The following MOB3B variants were observed in gnomAD, a reference collection of about 807,000 sequenced individuals.
MOB3B encodes MOB kinase activator 3B, also known as MOB kinase activator-like 2B.
A neutral mutation model predicts 18.7 loss-of-function variants in MOB3B; 7 were observed. The ratio of observed to expected loss-of-function variants is 0.37; its 90% CI spans 0.21 to 0.70. The LOEUF is 0.70. Ranked by LOEUF, MOB3B falls within the 30% of genes least tolerant of loss-of-function variation. MOB3B has a pLI of 0.52. For missense variants in MOB3B, 253 were observed against 281.3 expected (o/e 0.90, Z 0.72); for synonymous variants, 111 against 99.9 (o/e 1.11, Z -0.66).
At chr9:27,373,509 C>T (rs1381230668) in intron 2 of MOB3B, among the ~76,000 whole-genome samples, 2 of 152,180 alleles carry the variant, frequency 1.3e-5, no homozygotes, top group African/African-American at 4.8e-5. Flanking sequence ...GACCTAAGGA[C>T]CTCCCCCAGG....
At chr9:27,446,187 T>C (rs1237328089) in intron 2 of MOB3B, among the ~76,000 whole-genome samples, 5 of 152,090 alleles carry the variant, frequency 3.3e-5, no homozygotes, top group Non-Finnish European at 7.4e-5. Flanking sequence ...ATGAAGATGT[T>C]AGCCAAGTGA....
intron 2 of MOB3B, among the ~76,000 whole-genome samples, chr9:27,407,639 A>G (rs1238114553): frequency 3.3e-5 from 5 of 152,148 alleles, no homozygotes. Flanking sequence ...CCACCAGGCC[A>G]GCTTCCCCAC....
rs73646509 is a variant in MOB3B at position 27,481,263 on chromosome 9, A to G, written c.-198-25515T>C. Among the ~76,000 whole-genome samples the G allele has an allele frequency of 4.9e-3, 740 of 152,338 alleles. 6 individuals carry two copies. Among genetic ancestry groups the G allele is most frequent in the African/African-American group, 0.017 (711 of 41,574 alleles). On this transcript the variant is annotated intron_variant, in intron 1 of 3. Transcript: ENST00000262244. ...CTCCAGCAGATATGGACTAAAATAT[A>G]TCGGTACAGTTAATTATAACAAATG...
chr9:27,422,040 CAGTGCCTGGAACCCAGTAG>C (rs1822261280), intron 2 of MOB3B, among the ~76,000 whole-genome samples: 2 of 152,184 alleles, frequency 1.3e-5, no homozygotes, highest in South Asian at 4.1e-4. Flanking sequence ...AGTGTCAAAA[CAGTGCCTGGAACCCAGTAG>C]GGGCTCCATT....
At chr9:27,518,487 G>C (rs1309379818) in intron 1 of MOB3B, among the ~76,000 whole-genome samples, 1 of 152,248 alleles carries the variant, frequency 6.6e-6, no homozygotes. Flanking sequence ...GATATGGATG[G>C]AGGCTGTTCT....
intron 3 of MOB3B, among the ~76,000 whole-genome samples, chr9:27,350,679 T>G (rs1821090783): frequency 6.6e-6 from 1 of 152,210 alleles, no homozygotes; most frequent in South Asian, 2.1e-4. Context: ...TTTTTCCAAT[T>G]GACACTTTAG....
intron 3 of MOB3B, among the ~76,000 whole-genome samples, chr9:27,354,616 A>G (rs1268200216): frequency 6.6e-6 from 1 of 152,198 alleles, no homozygotes; most frequent in Non-Finnish European, 1.5e-5. Context: ...GAAGAGAGTG[A>G]CCAGTGTGTA....
At chr9:27,356,154 T>C (rs1821188245) in intron 3 of MOB3B, among the ~76,000 whole-genome samples, 1 of 152,240 alleles carries the variant, frequency 6.6e-6, no homozygotes, top group Non-Finnish European at 1.5e-5. Flanking sequence ...AAAACAAATA[T>C]ATATGTTCAG....
At chr9:27,525,587 A>T (rs987997426) in intron 1 of MOB3B, among the ~76,000 whole-genome samples, 43 of 152,138 alleles carry the variant, frequency 2.8e-4, no homozygotes, top group African/African-American at 1.0e-3. Flanking sequence ...GAATTAGACG[A>T]CCATTAAGCT....
intron 1 of MOB3B, among the ~76,000 whole-genome samples, chr9:27,512,937 TAAG>T (rs771529345): frequency 6.6e-6 from 1 of 152,180 alleles, no homozygotes; most frequent in Non-Finnish European, 1.5e-5. Flanking sequence ...GGGTATACTC[TAAG>T]AAATTTAAGC....
At chr9:27,501,278 G>A (rs146890455) in intron 1 of MOB3B, among the ~76,000 whole-genome samples, 293 of 152,234 alleles carry the variant, frequency 1.9e-3, no homozygotes, top group African/African-American at 6.6e-3. Flanking sequence ...AATAAATCAT[G>A]CTACTATAAA....
At chr9:27,452,221 C>T (rs530284970) in intron 2 of MOB3B, among the ~76,000 whole-genome samples, 1 of 152,284 alleles carries the variant, frequency 6.6e-6, no homozygotes, top group South Asian at 2.1e-4. Context: ...TCCATCCATC[C>T]ATCCATCCAT....
At chr9:27,387,765 C>G (rs892833139) in intron 2 of MOB3B, among the ~76,000 whole-genome samples, 1 of 152,066 alleles carries the variant, frequency 6.6e-6, no homozygotes, top group Non-Finnish European at 1.5e-5. Context: ...ATTAACGTTT[C>G]GGATGGATTG....
chr9:27,377,631 C>G (rs1374453781), intron 2 of MOB3B, among the ~76,000 whole-genome samples: 1 of 152,148 alleles, frequency 6.6e-6, no homozygotes, highest in Non-Finnish European at 1.5e-5. Flanking sequence ...CAAACAAGTT[C>G]CCAGGTGAGG....
intron 1 of MOB3B, among the ~76,000 whole-genome samples, chr9:27,471,140 C>T (rs1192654054): frequency 6.6e-6 from 1 of 152,142 alleles, no homozygotes; most frequent in Non-Finnish European, 1.5e-5. Context: ...CATCCCACCC[C>T]TCACCAGTGG....
intron 2 of MOB3B, among the ~76,000 whole-genome samples, chr9:27,431,254 CAT>C (rs1367734755): frequency 6.6e-6 from 1 of 152,100 alleles, no homozygotes; most frequent in Non-Finnish European, 1.5e-5. Flanking sequence ...GTTAAACAAA[CAT>C]ATTCCTCACT....
At chr9:27,509,110 A>G (rs1215070399) in intron 1 of MOB3B, among the ~76,000 whole-genome samples, 1 of 152,240 alleles carries the variant, frequency 6.6e-6, no homozygotes, top group African/African-American at 2.4e-5. Context: ...CAGAAAAGCC[A>G]GCAAAATTGT....
At chr9:27,390,079 T>G (rs562807892) in intron 2 of MOB3B, among the ~76,000 whole-genome samples, 16 of 152,292 alleles carry the variant, frequency 1.1e-4, no homozygotes, top group African/African-American at 3.9e-4. Context: ...AATATATATG[T>G]GTGTATATAT....
chr9:27,515,185 G>A (rs1335222558), intron 1 of MOB3B, among the ~76,000 whole-genome samples: 2 of 152,078 alleles, frequency 1.3e-5, no homozygotes, highest in East Asian at 3.8e-4. Flanking sequence ...ACTTCATCTT[G>A]CTTTTTTACT....
Sources: allele counts gnomAD v4.1 joint callset (sites outside exome capture counted in the v4.1 genomes callset), GRCh38; gene constraint gnomAD v4.1.1; transcripts MANE v1.5; gene names NCBI Gene and HGNC (gene_info 2026-07-23, HGNC 2026-07-21).